Variants in OPCML observed in about 807,000 individuals in gnomAD.
OPCML encodes the protein opioid-binding protein/cell adhesion molecule.
A neutral mutation model predicts 37.8 loss-of-function variants in OPCML; 13 were observed. The observed-to-expected ratio is 0.34, with a 90% CI of 0.22 to 0.55. The LOEUF (loss-of-function observed/expected upper bound fraction) is 0.55. OPCML is among the 20% of genes least tolerant of loss of function. The pLI is 0.91. For synonymous variants in OPCML, 176 were observed against 168.8 expected, an observed-to-expected ratio of 1.04 and a Z score of -0.33; for missense variants, 341 against 435.6, an observed-to-expected ratio of 0.78 and a Z score of 1.93.
intron 1 of OPCML, among the ~76,000 whole-genome samples, chr11:133,190,243 C>G (rs1938246995): frequency 1.3e-5 from 2 of 152,202 alleles, no homozygotes; most frequent in Non-Finnish European, 2.9e-5. Flanking sequence ...AAGCTGTGTA[C>G]AAGCTTGGTT....
At chr11:132,513,575 T>C (rs1224485899) in intron 4 of OPCML, among the ~76,000 whole-genome samples, 1 of 152,174 alleles carries the variant, frequency 6.6e-6, no homozygotes, top group African/African-American at 2.4e-5. Context: ...ATTTTATCCT[T>C]CTAAGTATAC....
At chr11:133,257,783 T>C (rs553330519) in intron 1 of OPCML, among the ~76,000 whole-genome samples, 2 of 152,308 alleles carry the variant, frequency 1.3e-5, no homozygotes, top group South Asian at 2.1e-4. Context: ...TAAACATTTA[T>C]TGAGCATCTA....
chr11:132,420,012 A>ACC lies in OPCML; in HGVS notation c.*179_*180dup. On this transcript the variant is annotated 3_prime_UTR_variant, in exon 8 of 8. Coordinates refer to ENST00000524381, the MANE Select transcript of OPCML (RefSeq NM_001012393.5). Reference sequence around the variant, plus strand: ...TAGAACCCTGCCCACCCCGCCCCCAACCCCACTCATTCAAGCTGGAAATAA... The same window carrying ACC: ...TAGAACCCTGCCCACCCCGCCCCCAACCCCCCACTCATTCAAGCTGGAAATAA... The ACC allele has an allele frequency of 2.6e-6, 1 of 381,758 alleles. No homozygotes were observed. The highest frequency in any genetic ancestry group is 5.0e-6 in the Non-Finnish European group (1 of 200,758). 23.6% of individuals were successfully genotyped at this position (381,758 alleles called of 1,614,324 possible). A position where few individuals can be genotyped will look rare whatever the true frequency, so the allele number is the denominator to read the frequency against.
At chr11:132,784,572 G>T (rs1002394432) in intron 2 of OPCML, among the ~76,000 whole-genome samples, 3 of 152,084 alleles carry the variant, frequency 2.0e-5, no homozygotes, top group African/African-American at 7.2e-5. Context: ...GTGCGATATG[G>T]TTCGAATGCT....
intron 4 of OPCML, among the ~76,000 whole-genome samples, chr11:132,474,207 T>A (rs576907676): frequency 6.6e-6 from 1 of 152,136 alleles, no homozygotes; most frequent in South Asian, 2.1e-4. Context: ...GAGAGATGGA[T>A]TGGGTCAGGT....
At chr11:132,689,555 G>T (rs1293041622) in intron 2 of OPCML, among the ~76,000 whole-genome samples, 1 of 152,156 alleles carries the variant, frequency 6.6e-6, no homozygotes, top group African/African-American at 2.4e-5. Flanking sequence ...AAAAACATTT[G>T]TTTAGCTGTA....
chr11:133,450,678 T>C (rs910569105), intron 1 of OPCML, among the ~76,000 whole-genome samples: 7 of 151,816 alleles, frequency 4.6e-5, no homozygotes, highest in African/African-American at 1.7e-4. Flanking sequence ...TTGTGTACCC[T>C]GTGACTTCCA....
chr11:133,323,345 C>T (rs1371555664), intron 1 of OPCML, among the ~76,000 whole-genome samples: 1 of 152,192 alleles, frequency 6.6e-6, no homozygotes, highest in African/African-American at 2.4e-5. Context: ...AAAACACCCT[C>T]ACATAGGACA....
At chr11:132,437,521 C>T (rs531568406) in intron 4 of OPCML, 162 bp from the exon 5 acceptor site, 32 of 975,566 alleles carry the variant, frequency 3.3e-5, no homozygotes, top group Middle Eastern at 5.3e-4. Flanking sequence ...TCAAAAGATA[C>T]GGCAAAGGAA....
intron 3 of OPCML, among the ~76,000 whole-genome samples, chr11:132,620,421 T>G (rs1256631182): frequency 1.3e-5 from 2 of 152,222 alleles, no homozygotes; most frequent in Admixed American, 6.5e-5. Context: ...CAAACTATCT[T>G]ACTGCTGTGT....
At chr11:132,903,514 G>T (rs574332074) in intron 2 of OPCML, among the ~76,000 whole-genome samples, 1 of 152,142 alleles carries the variant, frequency 6.6e-6, no homozygotes, top group Admixed American at 6.5e-5. Context: ...TAATAGTTCA[G>T]GCTATGATGG....
chr11:133,359,055 A>C (rs999105395), intron 1 of OPCML, among the ~76,000 whole-genome samples: 2 of 152,146 alleles, frequency 1.3e-5, no homozygotes, highest in Non-Finnish European at 2.9e-5. Context: ...TTATAGGAGA[A>C]GCCATCAGAG....
rs921782438 is a variant in OPCML at position 132,436,463 on chromosome 11, G to A, written c.764+196C>T. 19 of 942,822 alleles carry A rather than the reference G, an allele frequency of 2.0e-5. No individual in the cohort carries two copies. The African/African-American group carries it at 2.5e-4, about 12-fold the overall frequency. The allele number at this position is 942,822 out of a possible 1,614,324, so 58.4% of individuals were successfully genotyped here. ...AACCAGTCTCAGATTCAGAATCATGGTCAGTTCATTTTCTCCACTTCCCAG... is the reference window on the plus strand; with the variant it reads ...AACCAGTCTCAGATTCAGAATCATGATCAGTTCATTTTCTCCACTTCCCAG... On this transcript the variant is annotated intron_variant, in intron 6 of 7. Coordinates refer to ENST00000524381, the MANE Select transcript of OPCML (RefSeq NM_001012393.5).
At chr11:132,864,721 T>A (rs1002507079) in intron 2 of OPCML, among the ~76,000 whole-genome samples, 1 of 152,194 alleles carries the variant, frequency 6.6e-6, no homozygotes, top group African/African-American at 2.4e-5. Context: ...ACACATAAAA[T>A]CTTGAATCAC....
rs980878819 is a variant in OPCML at position 133,003,976 on chromosome 11, G to A, written c.62-60966C>T. The A allele has an allele frequency of 2.8e-5, 28 of 985,424 alleles. No individual in the cohort carries two copies. The East Asian group carries it at 7.9e-4, about 28-fold the overall frequency. 61.0% of individuals were successfully genotyped at this position (985,424 alleles called of 1,614,324 possible). On this transcript the variant is annotated intron_variant, in intron 1 of 7. Coordinates refer to ENST00000524381, the MANE Select transcript of OPCML (RefSeq NM_001012393.5). ...CTGTCCCGTGGGCAGCAGATCCCTCGAGAAGTCCCTGCACCCCGAGGAAGT... is the reference window on the plus strand; with the variant it reads ...CTGTCCCGTGGGCAGCAGATCCCTCAAGAAGTCCCTGCACCCCGAGGAAGT...
intron 1 of OPCML, among the ~76,000 whole-genome samples, chr11:132,980,611 A>C (rs1946560721): frequency 6.6e-6 from 1 of 152,198 alleles, no homozygotes; most frequent in South Asian, 2.1e-4. Context: ...TTTAATTTTT[A>C]AGTGTGTTAT....
intron 1 of OPCML, among the ~76,000 whole-genome samples, chr11:133,369,549 C>T (rs773586277): frequency 7.2e-5 from 11 of 152,198 alleles, no homozygotes; most frequent in Non-Finnish European, 1.0e-4. Context: ...TTTCTAACTA[C>T]ACACATTGTA....
intron 2 of OPCML, among the ~76,000 whole-genome samples, chr11:132,903,731 T>C (rs1038501706): frequency 7.2e-5 from 11 of 152,094 alleles, no homozygotes; most frequent in Admixed American, 3.3e-4. Flanking sequence ...AAAGTTAAAA[T>C]AGTGGAACCC....
chr11:133,215,045 C>T (rs934464253), intron 1 of OPCML, among the ~76,000 whole-genome samples: 1 of 152,192 alleles, frequency 6.6e-6, no homozygotes, highest in African/African-American at 2.4e-5. Context: ...TTAGAACTTG[C>T]CATAGTCACA....
Sources: allele counts gnomAD v4.1 joint callset (sites outside exome capture counted in the v4.1 genomes callset), GRCh38; gene constraint gnomAD v4.1.1; transcripts MANE v1.5; gene names NCBI Gene and HGNC (gene_info 2026-07-23, HGNC 2026-07-21).